Variants in INPP4B observed in about 807,000 individuals in gnomAD.
INPP4B encodes the protein inositol polyphosphate 4-phosphatase type II.
INPP4B carries 55 observed loss-of-function variants against 122.5 expected under a neutral mutation model. The ratio of observed to expected loss-of-function variants is 0.45; its 90% confidence interval spans 0.36 to 0.56. The LOEUF is 0.56. Among genes scored for constraint, INPP4B ranks in the 20% least tolerant of loss-of-function variants. INPP4B has a pLI of 0.00. For synonymous variants in INPP4B, 403 were observed against 388.7 expected, an observed-to-expected ratio of 1.04 and a Z score of -0.43; for missense variants, 1,000 against 1,097.7, an observed-to-expected ratio of 0.91 and a Z score of 1.26.
chr4:142,765,173 A>G (rs75393680), intron 1 of INPP4B, among the ~76,000 whole-genome samples: 7,646 of 152,212 alleles, frequency 0.05, 267 homozygotes, highest in African/African-American at 0.092. Flanking sequence ...CAGTGAAAAA[A>G]GTTGATAATG....
Position 142,293,999 on chromosome 4 carries a change from G to A in INPP4B, c.503+11459C>T, listed in dbSNP as rs955249722. 3.9e-5 allele frequency among the ~76,000 whole-genome samples: 6 copies of A among 152,280 alleles called. No individual in the cohort carries two copies. The South Asian group carries it at 6.2e-4, about 16-fold the overall frequency. On this transcript the variant is annotated intron_variant, in intron 9 of 25. Transcript: ENST00000262992. ...AGTGGGAGCTAAGTAATGTGTACAC[G>A]TGGATACAGAGTGTGGAATAATAGA...
At chr4:142,134,067 G>C (rs188855144) in intron 18 of INPP4B, among the ~76,000 whole-genome samples, 322 of 152,250 alleles carry the variant, frequency 2.1e-3, no homozygotes, top group South Asian at 5.0e-3. Flanking sequence ...AGGAGAGCCA[G>C]TGTTTTATCT....
chr4:142,812,446 T>C (rs904789131), intron 1 of INPP4B, among the ~76,000 whole-genome samples: 3 of 152,158 alleles, frequency 2.0e-5, no homozygotes, highest in Admixed American at 6.5e-5. Flanking sequence ...AGTTAGAAAA[T>C]AGTATTGTGC....
Position 142,613,998 on chromosome 4 carries a change from T to C in INPP4B, c.-191+111841A>G, listed in dbSNP as rs114588946. Among the ~76,000 whole-genome samples, 354 of 152,328 alleles carry C rather than the reference T, an allele frequency of 2.3e-3. 2 individuals carry two copies. Among genetic ancestry groups the C allele is most frequent in the African/African-American group, 8.3e-3 (346 of 41,572 alleles). On this transcript the variant is annotated intron_variant, in intron 2 of 25. Coordinates refer to ENST00000262992, the MANE Select transcript of INPP4B (RefSeq NM_001101669.3). Reference sequence around the variant, plus strand: ...AACCTATACTTAAACACAGTGGTGATGGTTATAGGAACGGGTAGCAAATAA... The same window carrying C: ...AACCTATACTTAAACACAGTGGTGACGGTTATAGGAACGGGTAGCAAATAA...
chr4:142,401,051 G>A (rs977726321), intron 7 of INPP4B, among the ~76,000 whole-genome samples: 17 of 152,122 alleles, frequency 1.1e-4, no homozygotes, highest in African/African-American at 2.4e-4. Flanking sequence ...CTATGTCTTC[G>A]GACTGTTGGA....
In INPP4B at chr4:142,601,607, G is replaced by T. The variant is rs535011624; in HGVS notation, c.-191+124232C>A. ...AAAAAAAAAAAAAAAAGACCAGAAA[G>T]ATTTCAAATATACAACCTAATGATG... is the stretch of plus-strand genomic sequence containing the variant. On this transcript the variant is annotated intron_variant, in intron 2 of 25. Coordinates refer to ENST00000262992, the MANE Select transcript of INPP4B (RefSeq NM_001101669.3). Among the ~76,000 whole-genome samples, 5 of 145,438 alleles carry T rather than the reference G, an allele frequency of 3.4e-5. No individual in the cohort carries two copies. In the East Asian group the frequency reaches 8.0e-4, roughly 23 times the overall value.
At chr4:142,263,680 A>ATATG (rs61694410) in intron 10 of INPP4B, among the ~76,000 whole-genome samples, 7,799 of 81,572 alleles carry the variant, frequency 0.096, 1,539 homozygotes, top group Non-Finnish European at 0.14. Flanking sequence ...ATATATATAT[A>ATATG]ACATTGAACA....
chr4:142,839,567 T>C (rs1259734793), intron 1 of INPP4B, among the ~76,000 whole-genome samples: 1 of 152,246 alleles, frequency 6.6e-6, no homozygotes, highest in African/African-American at 2.4e-5. Context: ...GTGTTTTTAC[T>C]ATAGTAATTA....
chr4:142,191,744 T>C (rs572798564), intron 15 of INPP4B, among the ~76,000 whole-genome samples: 11 of 152,084 alleles, frequency 7.2e-5, no homozygotes, highest in Non-Finnish European at 1.0e-4. Flanking sequence ...GTTATTCTAA[T>C]CTACCCATGC....
chr4:142,043,073 G>A (rs1749147983), intron 25 of INPP4B, among the ~76,000 whole-genome samples: 2 of 152,068 alleles, frequency 1.3e-5, no homozygotes, highest in Admixed American at 6.6e-5. Context: ...TTTTGTCCTT[G>A]GAAGTATTAG....
chr4:142,387,957 C>T (rs1053718636), intron 7 of INPP4B, among the ~76,000 whole-genome samples: 4 of 152,156 alleles, frequency 2.6e-5, no homozygotes, highest in African/African-American at 9.7e-5. Context: ...ACCACAGCAG[C>T]CCAGGTTCAA....
chr4:142,452,241 G>C (rs868865424), intron 3 of INPP4B, among the ~76,000 whole-genome samples: 1 of 152,054 alleles, frequency 6.6e-6, no homozygotes, highest in Non-Finnish European at 1.5e-5. Flanking sequence ...ACTCATCGAC[G>C]AGGCACCCTT....
chr4:142,702,594 G>A (rs1287255603), intron 2 of INPP4B, among the ~76,000 whole-genome samples: 1 of 151,912 alleles, frequency 6.6e-6, no homozygotes, highest in African/African-American at 2.4e-5. Context: ...GCTGGGCGTG[G>A]TGGTGCATGC....
At chr4:142,225,523 T>TAC (rs201322833) in intron 12 of INPP4B, among the ~76,000 whole-genome samples, 4,374 of 148,864 alleles carry the variant, frequency 0.029, 197 homozygotes, top group African/African-American at 0.1. Flanking sequence ...CACAAATATA[T>TAC]ATATATATGT....
At chr4:142,390,341 G>A (rs1032519057) in intron 7 of INPP4B, among the ~76,000 whole-genome samples, 9 of 152,064 alleles carry the variant, frequency 5.9e-5, no homozygotes, top group South Asian at 2.1e-4. Flanking sequence ...TTTGGAAAGC[G>A]GAGTCTTCCC....
chr4:142,423,622 A>C, intron 5 of INPP4B: 1 of 225,994 alleles, frequency 4.4e-6, no homozygotes, highest in Non-Finnish European at 8.9e-6. Flanking sequence ...ACCTCTTGTC[A>C]TTGTACCAGT....
chr4:142,149,129 G>C (rs1164627026), intron 17 of INPP4B, among the ~76,000 whole-genome samples: 2 of 152,152 alleles, frequency 1.3e-5, no homozygotes, highest in Non-Finnish European at 2.9e-5. Context: ...AGTTACTAAA[G>C]GTACTGATGT....
At chr4:142,210,294 T>C (rs1844366585) in intron 12 of INPP4B, among the ~76,000 whole-genome samples, 1 of 152,248 alleles carries the variant, frequency 6.6e-6, no homozygotes, top group Non-Finnish European at 1.5e-5. Flanking sequence ...GTCTTTGTTT[T>C]GTTCCAATGG....
At chr4:142,393,180 G>A (rs748087118) in intron 7 of INPP4B, among the ~76,000 whole-genome samples, 12 of 152,010 alleles carry the variant, frequency 7.9e-5, no homozygotes, top group Non-Finnish European at 1.8e-4. Flanking sequence ...TGAGAGTGGT[G>A]CCAAGGCCCT....
Sources: gnomAD v4.1 joint callset for allele counts (sites outside exome capture counted in the v4.1 genomes callset) on GRCh38, gnomAD v4.1.1 for gene constraint, MANE v1.5 for transcripts, NCBI Gene and HGNC (gene_info 2026-07-23, HGNC 2026-07-21) for gene names.